Variants in KIAA0586 observed in about 807,000 individuals in gnomAD.
KIAA0586 encodes the protein protein TALPID3.
In KIAA0586, 144 loss-of-function variants were observed where a neutral mutation model predicts 169.8. That is an observed-to-expected ratio of 0.85 (90% CI 0.74 to 0.97). The LOEUF is 0.97. Among genes scored for constraint, KIAA0586 ranks in the 50% least tolerant of loss-of-function variants. The probability of loss-of-function intolerance (pLI) is 0.00; values close to 1 mark genes in which losing one functional copy is unlikely to be tolerated. For missense variants in KIAA0586, 1,854 were observed against 1,823.0 expected (o/e 1.02, Z -0.31); for synonymous variants, 625 against 612.4 (o/e 1.02, Z -0.30).
chr14:58,492,762 G>A (rs2042914661), intron 26 of KIAA0586, among the ~76,000 whole-genome samples: 1 of 152,222 alleles, frequency 6.6e-6, no homozygotes, highest in African/African-American at 2.4e-5. Flanking sequence ...TTACATTGAT[G>A]TCAGTCTTTA....
chr14:58,524,612 G>A (rs1415397220), intron 29 of KIAA0586, among the ~76,000 whole-genome samples: 2 of 152,198 alleles, frequency 1.3e-5, no homozygotes, highest in Non-Finnish European at 2.9e-5. Flanking sequence ...CAAATTGCAT[G>A]AGTTCAAATC....
At position 58,449,060 on chromosome 14, in the gene KIAA0586, TGAA is replaced by T. The variant is rs576951096; in HGVS notation, c.961+568_961+570del. 6.6e-5 allele frequency among the ~76,000 whole-genome samples: 10 copies of T among 152,198 alleles called. No homozygotes were observed. In the South Asian group the frequency reaches 1.9e-3, roughly 28 times the overall value. On this transcript the variant is annotated intron_variant, in intron 7 of 30. Coordinates refer to ENST00000652326, the MANE Select transcript of KIAA0586 (RefSeq NM_001329943.3). The stretch of plus-strand genomic sequence containing the variant: ...TTAAAACTTTAGTATTTAAAATAAA[TGAA>T]TAAATGTTTTTCTAAGTTATTGATA...
chr14:58,554,796 A>C (rs1595574635), downstream of KIAA0586, among the ~76,000 whole-genome samples: 1 of 152,174 alleles, frequency 6.6e-6, no homozygotes, highest in Admixed American at 6.5e-5. Context: ...TATGTAAGAA[A>C]AATTTTTTAG....
intron 29 of KIAA0586, among the ~76,000 whole-genome samples, chr14:58,537,823 A>G (rs1201427857): frequency 6.6e-6 from 1 of 151,774 alleles, no homozygotes; most frequent in Admixed American, 6.6e-5. Flanking sequence ...AATTTTTTGT[A>G]TTTTTAGTAG....
chr14:58,491,392 C>A (rs1020219578), intron 25 of KIAA0586, among the ~76,000 whole-genome samples: 4 of 152,152 alleles, frequency 2.6e-5, no homozygotes, highest in Admixed American at 6.6e-5. Context: ...TACCAGTGGG[C>A]ATTTTATCTA....
At chr14:58,538,572 C>T (rs1436951999) in intron 29 of KIAA0586, among the ~76,000 whole-genome samples, 1 of 151,924 alleles carries the variant, frequency 6.6e-6, no homozygotes, top group Non-Finnish European at 1.5e-5. Context: ...GTGTTACAAA[C>T]AATCCAATTA....
At chr14:58,525,514 C>T (rs1006623206) in intron 29 of KIAA0586, among the ~76,000 whole-genome samples, 6 of 152,112 alleles carry the variant, frequency 3.9e-5, no homozygotes, top group Non-Finnish European at 5.9e-5. Flanking sequence ...CCGTGAGAAA[C>T]GGTGCATTCC....
intron 21 of KIAA0586, among the ~76,000 whole-genome samples, chr14:58,484,896 A>ATATATATTTATATATATATT (rs1397867264): frequency 5.3e-3 from 27 of 5,076 alleles, no homozygotes; most frequent in South Asian, 0.011. Flanking sequence ...ATATTTATAT[A>ATATATATTTATATATATATT]TATATATATA....
At chr14:58,456,837 A>G in intron 10 of KIAA0586, 27 bp downstream of exon 10, 1 of 1,131,634 alleles carries the variant, frequency 8.8e-7, no homozygotes, top group Non-Finnish European at 1.3e-6. Flanking sequence ...CTTAAAATTG[A>G]TGATTAGTTA....
chr14:58,463,524 C>CA (rs1407015793), intron 14 of KIAA0586, among the ~76,000 whole-genome samples: 9 of 151,996 alleles, frequency 5.9e-5, no homozygotes, highest in Non-Finnish European at 1.0e-4. Context: ...GGGTCATAAA[C>CA]AAAAAGAAAC....
intron 26 of KIAA0586, among the ~76,000 whole-genome samples, chr14:58,493,657 C>T (rs923882429): frequency 6.6e-6 from 1 of 151,994 alleles, no homozygotes. Flanking sequence ...GAAGGCTTAA[C>T]ATATTCCTTC....
At chr14:58,428,640 A>G (rs1218157676) in intron 1 of KIAA0586, among the ~76,000 whole-genome samples, 177 bp downstream of exon 1, 1 of 150,130 alleles carries the variant, frequency 6.7e-6, no homozygotes, top group Non-Finnish European at 1.5e-5. Context: ...GATGGAATGA[A>G]TGAAACTTTA....
chr14:58,491,814 T>G (rs1420612637), intron 25 of KIAA0586, among the ~76,000 whole-genome samples: 1 of 152,252 alleles, frequency 6.6e-6, no homozygotes, highest in Non-Finnish European at 1.5e-5. Flanking sequence ...AGGAGGAGGC[T>G]GTGACCCAAA....
intron 9 of KIAA0586, among the ~76,000 whole-genome samples, chr14:58,455,305 A>G (rs575132200): frequency 1.2e-4 from 18 of 152,314 alleles, no homozygotes; most frequent in African/African-American, 4.1e-4. Flanking sequence ...TTTGCCTAGT[A>G]AGTCTAATAT....
chr14:58,430,615 A>G (rs759442875), intron 2 of KIAA0586, 33 bp from the exon 3 acceptor site: 2 of 1,343,254 alleles, frequency 1.5e-6, no homozygotes, highest in Admixed American at 1.9e-5. Context: ...CATGAAGTTT[A>G]TTTAGCCTAT....
At chr14:58,553,894 G>T (rs907866138), downstream of KIAA0586, among the ~76,000 whole-genome samples, 2 of 152,092 alleles carry the variant, frequency 1.3e-5, no homozygotes, top group Non-Finnish European at 2.9e-5. Context: ...ATGATTTTGG[G>T]GATGAGCAAT....
intron 23 of KIAA0586, 81 bp from the exon 24 acceptor site, chr14:58,488,540 C>A: frequency 6.7e-7 from 1 of 1,489,456 alleles, no homozygotes; most frequent in South Asian, 1.3e-5. Flanking sequence ...GAGACATAGT[C>A]TTCGAGTCTG....
intron 20 of KIAA0586, 34 bp from the exon 21 acceptor site, chr14:58,482,479 C>A: frequency 7.3e-7 from 1 of 1,371,556 alleles, no homozygotes; most frequent in Non-Finnish European, 9.6e-7. Context: ...ATGTTTCTTG[C>A]CCACTTATTC....
intron 28 of KIAA0586, among the ~76,000 whole-genome samples, chr14:58,509,995 A>G (rs1368207837): frequency 6.6e-6 from 1 of 152,232 alleles, no homozygotes; most frequent in Non-Finnish European, 1.5e-5. Context: ...TAAGAAAACA[A>G]ACAATCCAGT....
Sources: gnomAD v4.1 joint callset for allele counts (sites outside exome capture counted in the v4.1 genomes callset) on GRCh38, gnomAD v4.1.1 for gene constraint, MANE v1.5 for transcripts, NCBI Gene and HGNC (gene_info 2026-07-23, HGNC 2026-07-21) for gene names.